FBXL19: variants seen among roughly 807,000 people sequenced by gnomAD.
FBXL19 encodes the protein F-box and leucine rich repeat protein 19, also known as F-box/LRR-repeat protein 19.
Under a neutral mutation model 71.2 loss-of-function variants are expected in FBXL19, and 16 were observed. The observed-to-expected ratio is 0.22, with a 90% confidence interval of 0.15 to 0.34. The LOEUF (loss-of-function observed/expected upper bound fraction) is 0.34, where lower values mean the gene tolerates loss of function less well. Among genes scored for constraint, FBXL19 ranks in the 10% least tolerant of loss-of-function variants. The probability of loss-of-function intolerance (pLI) is 1.00; values close to 1 mark genes in which losing one functional copy is unlikely to be tolerated. For missense variants in FBXL19, 658 were observed against 968.2 expected (o/e 0.68, Z 4.25); for synonymous variants, 447 against 409.4 (o/e 1.09, Z -1.11).
At chr16:30,945,343 CA>C (rs1273268260) in intron 9 of FBXL19, among the ~76,000 whole-genome samples, 2 of 152,008 alleles carry the variant, frequency 1.3e-5, no homozygotes, top group African/African-American at 4.8e-5. Flanking sequence ...GCAGCATCCA[CA>C]AAACTGGAGA....
intron 9 of FBXL19, among the ~76,000 whole-genome samples, chr16:30,943,715 C>G (rs1332305266): frequency 1.3e-5 from 2 of 152,034 alleles, no homozygotes. Context: ...GTTGTCCAGG[C>G]CGATCTCGAA....
chr16:30,928,623 TG>T lies in FBXL19; in HGVS notation c.787del (p.Glu263ArgfsTer25). On this transcript the variant is annotated frameshift_variant, in exon 6 of 11. Transcript: ENST00000338343. LOFTEE classifies it high-confidence loss of function. ...CCACCCTGGGCTCCCTCCCGAGAAC[TG>T]GGAGGTGTGCCGGGGACCTCCTCCC... ...SCHPGLPPEN[W>X]EKPKPPLASA... is the part of the protein sequence containing the mutation. 10 of 1,576,160 alleles carry T rather than the reference TG, an allele frequency of 6.3e-6. No homozygotes were observed. The highest frequency in any genetic ancestry group is 8.6e-6 in the Non-Finnish European group (10 of 1,162,346).
At chr16:30,937,489 C>T (rs1461906644) in intron 7 of FBXL19, among the ~76,000 whole-genome samples, 1 of 152,114 alleles carries the variant, frequency 6.6e-6, no homozygotes. Context: ...TCATCTTTGC[C>T]TCCTCCGTGC....
At position 30,942,111 on chromosome 16, in the gene FBXL19, G is replaced by C. The variant is rs770391389; in HGVS notation, c.1302-5G>C. 5 of 1,566,032 alleles carry C rather than the reference G, an allele frequency of 3.2e-6. No individual in the cohort carries two copies. The South Asian group carries it at 5.8e-5, about 18-fold the overall frequency. On this transcript the variant is annotated splice_polypyrimidine_tract_variant and splice_region_variant and intron_variant, in intron 7 of 10. Transcript: ENST00000338343. This position sits in a 1 kb window ranked among gnomAD's most constrained non-coding sequence, Gnocchi z 5.7. Reference sequence around the variant, plus strand: ...AGGTCTCTGTCTCCCCCCTATGGCCGCCAGGTGCTATGACAAGCGTCTGTG... The same window carrying C: ...AGGTCTCTGTCTCCCCCCTATGGCCCCCAGGTGCTATGACAAGCGTCTGTG...
chr16:30,942,247 A>G lies in FBXL19; in HGVS notation c.1433A>G (p.Lys478Arg). ...CTCAGCTGGACAGGTGTCTCCAAGAAGCAGCTCATGTGGCTTCTGAACCGA... is the reference window on the plus strand; with the variant it reads ...CTCAGCTGGACAGGTGTCTCCAAGAGGCAGCTCATGTGGCTTCTGAACCGA... ...LDLSWTGVSK[K>R]QLMWLLNRLQ... Residue 478 changes from lysine (K) to arginine (R), a missense_variant, in exon 8 of 11, where the codon AAG becomes AGG. Physicochemically the swap from Lys to Arg is conservative, Grantham distance 26 (BLOSUM62 2). Coordinates refer to ENST00000338343, the MANE Select transcript of FBXL19 (RefSeq NM_001382779.1). This position sits in a 1 kb window ranked among gnomAD's most constrained non-coding sequence, Gnocchi z 5.7. 6.3e-7 allele frequency: 1 copy of G among 1,597,008 alleles called. No individual in the cohort carries two copies. Among genetic ancestry groups the G allele is most frequent in the Non-Finnish European group, 8.5e-7 (1 of 1,171,920 alleles).
intron 6 of FBXL19, among the ~76,000 whole-genome samples, chr16:30,929,022 A>C (rs1433278811): frequency 6.6e-6 from 1 of 152,180 alleles, no homozygotes; most frequent in Non-Finnish European, 1.5e-5. Context: ...GCAGAAGTGT[A>C]TAAGTCTTAC....
rs534797930 is a variant in FBXL19 at position 30,945,412 on chromosome 16, C to G, written c.1628-1318C>G. On this transcript the variant is annotated intron_variant, in intron 9 of 10. Coordinates refer to ENST00000338343, the MANE Select transcript of FBXL19 (RefSeq NM_001382779.1). ...TGGTGGCTCACACCTGTAATCCTAG[C>G]ACTTTGGGAGGCCGAGGTGGGCAGA... 4.6e-5 allele frequency among the ~76,000 whole-genome samples: 7 copies of G among 152,220 alleles called. No individual in the cohort carries two copies. The East Asian group carries it at 1.4e-3, about 29-fold the overall frequency.
rs1403016208 is a variant in FBXL19, at chr16:30,928,598, C to T, written c.759C>T (p.Cys253=). ...VLNPSQAFSS[C]HPGLPPENWE... is the part of the protein sequence containing the mutation. ...ATCCGAGCCAGGCTTTCTCATCCTG[C>T]CACCCTGGGCTCCCTCCCGAGAACT... The change falls in exon 6 of 11, where the codon TGC becomes TGT. Residue 253 remains cysteine (C), a synonymous_variant. Coordinates refer to ENST00000338343, the MANE Select transcript of FBXL19 (RefSeq NM_001382779.1). 1 of 1,599,052 alleles carries T rather than the reference C, an allele frequency of 6.3e-7. No homozygotes were observed. Among genetic ancestry groups the T allele is most frequent in the Non-Finnish European group, 8.5e-7 (1 of 1,173,248 alleles).
In FBXL19 at chr16:30,930,233, C is replaced by T. The variant is rs746760154; in HGVS notation, c.950C>T (p.Ser317Leu). Residue 317 changes from serine to leucine, a missense_variant, in exon 7 of 11, where the codon TCG (serine) becomes TTG (leucine). By Grantham distance (145) the Ser-to-Leu change is moderately radical (BLOSUM62 -2). Transcript: ENST00000338343. This position sits in a 1 kb window ranked among gnomAD's most constrained non-coding sequence, Gnocchi z 8.5. ...GACTCAGACTCCGACTCCGACTCTT[C>T]GGGCACATCGCTGAGTGAGGACGAA... Reference protein sequence around the residue: ...SSDSDSDSDSSGTSLSEDEAP... With the variant: ...SSDSDSDSDSLGTSLSEDEAP... 3 of 1,612,908 alleles carry T rather than the reference C, an allele frequency of 1.9e-6. No homozygotes were observed. Among genetic ancestry groups the T allele is most frequent in the Non-Finnish European group, 2.5e-6 (3 of 1,179,886 alleles).
chr16:30,932,483 G>A (rs192680330), intron 7 of FBXL19, among the ~76,000 whole-genome samples: 2 of 152,368 alleles, frequency 1.3e-5, no homozygotes, highest in East Asian at 3.9e-4. Context: ...GTGGCCCGAA[G>A]CAGACAAAGC....
chr16:30,936,524 C>T (rs1366646102), intron 7 of FBXL19, among the ~76,000 whole-genome samples: 4 of 150,738 alleles, frequency 2.7e-5, no homozygotes, highest in Admixed American at 2.6e-4. Flanking sequence ...CTCCCGGATT[C>T]ACGCCATTCT....
intron 7 of FBXL19, among the ~76,000 whole-genome samples, chr16:30,940,276 C>T (rs922057281): frequency 6.6e-6 from 1 of 150,628 alleles, no homozygotes; most frequent in African/African-American, 2.4e-5. Flanking sequence ...AAAAAAAAGT[C>T]AGGTGTGGTG....
rs749672716 is a variant in FBXL19 at position 30,942,122 on chromosome 16, T to C, written c.1308T>C (p.Tyr436=). 2.5e-5 allele frequency: 40 copies of C among 1,582,386 alleles called. No individual in the cohort carries two copies. The highest frequency in any genetic ancestry group is 3.4e-5 in the Non-Finnish European group (39 of 1,159,940). ...TCCCCCCTATGGCCGCCAGGTGCTA[T>C]GACAAGCGTCTGTGGCCTCGAATGG... ...RVCRTWSRWC[Y]DKRLWPRMDL... Residue 436 remains tyrosine, a synonymous_variant, in exon 8 of 11, where the codon TAT becomes TAC. Transcript: ENST00000338343. The surrounding 1 kb of genome is among the most constrained non-coding windows in gnomAD (Gnocchi z 5.7).
chr16:30,935,298 A>T (rs978917638), intron 7 of FBXL19, among the ~76,000 whole-genome samples: 1 of 152,164 alleles, frequency 6.6e-6, no homozygotes, highest in African/African-American at 2.4e-5. Flanking sequence ...TGAGTGAAGG[A>T]CAAGAGAGCA....
At position 30,925,718 on chromosome 16, in the gene FBXL19, C is replaced by A; in HGVS notation, c.-24-13C>A. 6.7e-7 allele frequency: 1 copy of A among 1,491,346 alleles called. No individual in the cohort carries two copies. The highest frequency in any genetic ancestry group is 8.9e-7 in the Non-Finnish European group (1 of 1,126,448). The allele number at this position is 1,491,346 out of a possible 1,614,324, so 92.4% of individuals were successfully genotyped here. A position where few individuals can be genotyped will look rare whatever the true frequency, so the allele number is the denominator to read the frequency against. On this transcript the variant is annotated splice_polypyrimidine_tract_variant and intron_variant, in intron 1 of 10. Transcript: ENST00000338343. This position sits in a 1 kb window ranked among gnomAD's most constrained non-coding sequence, Gnocchi z 5.0. Reference sequence around the variant, plus strand: ...CAGTGGGCCCATCTGACCCTGCCACCATCCACCTACAGCCCTCGGCGTTGC... The same window carrying A: ...CAGTGGGCCCATCTGACCCTGCCACAATCCACCTACAGCCCTCGGCGTTGC...
chr16:30,927,712 C>G (rs1414381806), intron 4 of FBXL19, 33 bp from the exon 5 acceptor site: 1 of 1,555,808 alleles, frequency 6.4e-7, no homozygotes, highest in Non-Finnish European at 8.7e-7. Flanking sequence ...GGGAGCTGTG[C>G]AGGTCCTCAC....
At chr16:30,936,251 A>G (rs7200879) in intron 7 of FBXL19, among the ~76,000 whole-genome samples, 34,031 of 152,060 alleles carry the variant, frequency 0.22, 4,550 homozygotes, top group South Asian at 0.65. Flanking sequence ...ATGATAGTCT[A>G]TGGCCTGGCA....
chr16:30,923,390 C>A, upstream of FBXL19: 1 of 366,450 alleles, frequency 2.7e-6, no homozygotes, highest in Non-Finnish European at 5.5e-6. Flanking sequence ...TATTGTTCCC[C>A]CGTAGCATCA....
chr16:30,931,600 C>G lies in FBXL19; in HGVS notation c.1301+1016C>G, dbSNP rs186142095. ...GTTACAGTACAAGTTCATGGCTGAA[C>G]TCAAACTCTAGTCTTCTTTTGGGAC... On this transcript the variant is annotated intron_variant, in intron 7 of 10. Transcript: ENST00000338343. 5.4e-4 allele frequency among the ~76,000 whole-genome samples: 82 copies of G among 152,328 alleles called. 1 individual carries two copies. The highest frequency in any genetic ancestry group is 1.0e-3 in the South Asian group (5 of 4,832).
Sources: gnomAD v4.1 joint callset for allele counts (sites outside exome capture counted in the v4.1 genomes callset) on GRCh38, gnomAD v4.1.1 for gene constraint, Gnocchi (gnomAD v3.1) non-coding constraint, MANE v1.5 for transcripts, NCBI Gene and HGNC (gene_info 2026-07-23, HGNC 2026-07-21) for gene names.